ZFP1: variants seen among roughly 807,000 people sequenced by gnomAD.
ZFP1 encodes the protein zinc finger protein 1 homolog.
In ZFP1, 32 loss-of-function variants were observed where a neutral mutation model predicts 38.5. The ratio of observed to expected loss-of-function variants is 0.83; its 90% confidence interval spans 0.63 to 1.12. The LOEUF (loss-of-function observed/expected upper bound fraction) is 1.12, where lower values mean the gene tolerates loss of function less well. Among genes scored for constraint, ZFP1 ranks in the 50% most tolerant of loss-of-function variants. ZFP1 has a pLI of 0.00. For missense variants in ZFP1, 616 were observed against 480.8 expected (o/e 1.28, Z -2.63); for synonymous variants, 245 against 168.8 (o/e 1.45, Z -3.50).
chr16:75,147,713 C>T (rs1437478906), upstream of ZFP1, among the ~76,000 whole-genome samples: 1 of 152,060 alleles, frequency 6.6e-6, no homozygotes, highest in Non-Finnish European at 1.5e-5. Context: ...AATGTATTTT[C>T]TGCTCAAATT....
chr16:75,137,230 G>A, the ZFP1 span, among the ~76,000 whole-genome samples: 1 of 152,156 alleles, frequency 6.6e-6, no homozygotes, highest in Non-Finnish European at 1.5e-5. Flanking sequence ...AAGGGCCAAA[G>A]CTAGAACACT....
chr16:75,144,131 C>G (rs1309365626), upstream of ZFP1: 3 of 152,160 alleles, frequency 2.0e-5, no homozygotes, highest in Non-Finnish European at 4.4e-5. Context: ...TTTAGAAGGT[C>G]TTGAAAAGTA....
chr16:75,148,313 GAA>G (rs994528294), upstream of ZFP1, among the ~76,000 whole-genome samples: 3 of 152,212 alleles, frequency 2.0e-5, no homozygotes, highest in African/African-American at 7.2e-5. Context: ...TGGGAAAAAA[GAA>G]AACAGTGCAG....
chr16:75,137,741 C>T, the ZFP1 span, among the ~76,000 whole-genome samples: 4 of 152,010 alleles, frequency 2.6e-5, no homozygotes, highest in Non-Finnish European at 4.4e-5. Flanking sequence ...GCTGGGATTA[C>T]AGGCATGAGC....
At position 75,148,584 on chromosome 16, in the gene ZFP1, C is replaced by T. The variant is rs1223418635; in HGVS notation, c.-103C>T. On this transcript the variant is annotated 5_prime_UTR_variant, in exon 1 of 4. Transcript: ENST00000570010. ...GAGCCCCCGTCTCCGCGCGTCTTCG[C>T]CGCCCTGCGCCGTGACCCGCTGTGG... 2.0e-5 allele frequency: 3 copies of T among 152,334 alleles called. No individual in the cohort carries two copies. Among genetic ancestry groups the T allele is most frequent in the Non-Finnish European group, 4.4e-5 (3 of 68,094 alleles). The allele number at this position is 152,334 out of a possible 1,614,324, so 9.4% of individuals were successfully genotyped here.
Position 75,153,006 on chromosome 16 carries a change from A to C in ZFP1, c.15+40A>C, listed in dbSNP as rs749051682. 2.5e-6 allele frequency: 4 copies of C among 1,611,238 alleles called. No homozygotes were observed. In the African/African-American group the frequency reaches 4.0e-5, roughly 16 times the overall value. ...TATTCCCCATTTTGCTTTTCAGTGC[A>C]TTTAAGGAAGTTTATAAGGATCCAG... On this transcript the variant is annotated intron_variant, in intron 2 of 3. Coordinates refer to ENST00000570010, the MANE Select transcript of ZFP1 (RefSeq NM_153688.4).
intron 2 of ZFP1, among the ~76,000 whole-genome samples, chr16:75,162,323 C>T (rs947426316): frequency 1.3e-5 from 2 of 151,766 alleles, no homozygotes; most frequent in African/African-American, 4.8e-5. Context: ...GGGGTCTCGC[C>T]CTGTTGCCCA....
At chr16:75,136,887 G>A in the ZFP1 span, among the ~76,000 whole-genome samples, 15 of 150,888 alleles carry the variant, frequency 9.9e-5, no homozygotes, top group Non-Finnish European at 1.8e-4. Context: ...GAAAAGAAAA[G>A]GAAAAAAAAG....
In ZFP1 at chr16:75,169,611, T is replaced by C; in HGVS notation, c.501T>C (p.His167=). The change falls in exon 4 of 4, where the codon CAT becomes CAC. Residue 167 remains histidine, a synonymous_variant. Coordinates refer to ENST00000570010, the MANE Select transcript of ZFP1 (RefSeq NM_153688.4). ...EYNKSGKALS[H]KAAIFKHQKI... is the part of the protein sequence containing the mutation. ...ATAAAAGTGGAAAAGCCCTCAGCCA[T>C]AAAGCAGCCATTTTTAAACATCAGA... The C allele has an allele frequency of 1.3e-6, 2 of 1,594,302 alleles. No homozygotes were observed. Among genetic ancestry groups the C allele is most frequent in the Non-Finnish European group, 1.7e-6 (2 of 1,174,378 alleles).
At chr16:75,128,410 A>G in the ZFP1 span, among the ~76,000 whole-genome samples, 1 of 152,366 alleles carries the variant, frequency 6.6e-6, no homozygotes, top group Non-Finnish European at 1.5e-5. Flanking sequence ...TAGTGTATAC[A>G]AATAATTAGG....
chr16:75,147,995 C>A (rs2036976740), upstream of ZFP1, among the ~76,000 whole-genome samples: 1 of 152,064 alleles, frequency 6.6e-6, no homozygotes, highest in Admixed American at 6.6e-5. Context: ...ATGTAGATAT[C>A]AAGTTGTACA....
At chr16:75,150,792 A>G (rs1051341459) in intron 1 of ZFP1, among the ~76,000 whole-genome samples, 1 of 152,074 alleles carries the variant, frequency 6.6e-6, no homozygotes, top group Admixed American at 6.6e-5. Flanking sequence ...GTGTATTTGA[A>G]TAAATATTGT....
At chr16:75,146,385 T>C (rs1379660195), upstream of ZFP1, among the ~76,000 whole-genome samples, 1 of 152,050 alleles carries the variant, frequency 6.6e-6, no homozygotes, top group Admixed American at 6.6e-5. Flanking sequence ...GCCAGGATGG[T>C]CTCGATCTCC....
Position 75,169,924 on chromosome 16 carries a change from G to C in ZFP1, c.814G>C (p.Glu272Gln), listed in dbSNP as rs796957816. ...HMEKKPYECS[E>Q]CGKTFAQKFE... The stretch of plus-strand genomic sequence containing the variant: ...GGAGAAGAAGCCCTATGAGTGCAGT[G>C]AATGTGGAAAGACATTTGCCCAAAA... The change falls in exon 4 of 4, where the codon GAA (glutamate) becomes CAA (glutamine). Residue 272 changes from glutamate (E) to glutamine (Q), a missense_variant. Glu to Gln is a conservative substitution (Grantham distance 29, BLOSUM62 2). Coordinates refer to ENST00000570010, the MANE Select transcript of ZFP1 (RefSeq NM_153688.4). 9 of 1,614,172 alleles carry C rather than the reference G, an allele frequency of 5.6e-6. No homozygotes were observed. The African/African-American group carries it at 6.7e-5, about 12-fold the overall frequency.
chr16:75,138,024 CTTTTTTTTTTTTT>C, the ZFP1 span, among the ~76,000 whole-genome samples: 1 of 64,936 alleles, frequency 1.5e-5, no homozygotes, highest in African/African-American at 7.4e-5. Flanking sequence ...CTCCCACTTC[CTTTTTTTTTTTTT>C]TTTTTTTTTT....
At chr16:75,165,283 A>AC (rs757846899) in intron 2 of ZFP1, among the ~76,000 whole-genome samples, 3 of 152,118 alleles carry the variant, frequency 2.0e-5, no homozygotes, top group Non-Finnish European at 4.4e-5. Context: ...TTGTCAACCA[A>AC]CTCATTCTAA....
At chr16:75,135,209 CAAAAAAAA>C in the ZFP1 span, among the ~76,000 whole-genome samples, 9 of 14,960 alleles carry the variant, frequency 6.0e-4, 1 homozygote, top group South Asian at 5.8e-3. Flanking sequence ...GACCTTATCT[CAAAAAAAA>C]AAAAAAAAAA....
intron 2 of ZFP1, among the ~76,000 whole-genome samples, chr16:75,158,532 C>G (rs900619743): frequency 6.7e-6 from 1 of 149,234 alleles, no homozygotes; most frequent in African/African-American, 2.5e-5. Flanking sequence ...TTTTTTTTGT[C>G]GTGATGAGAT....
chr16:75,166,998 C>A (rs901723842), intron 3 of ZFP1, 102 bp downstream of exon 3: 1 of 1,521,544 alleles, frequency 6.6e-7, no homozygotes, highest in Non-Finnish European at 8.8e-7. Context: ...TGTTTTTGGC[C>A]TAAGTCCTCA....
Sources: gnomAD v4.1 joint callset for allele counts (sites outside exome capture counted in the v4.1 genomes callset) on GRCh38, gnomAD v4.1.1 for gene constraint, MANE v1.5 for transcripts, NCBI Gene and HGNC (gene_info 2026-07-23, HGNC 2026-07-21) for gene names.